The following PDE9A variants were observed in gnomAD, a reference collection of about 807,000 sequenced individuals.
PDE9A encodes phosphodiesterase 9A, also known as high affinity cGMP-specific 3',5'-cyclic phosphodiesterase 9A.
Under a neutral mutation model 87.4 loss-of-function variants are expected in PDE9A, and 60 were observed. The ratio of observed to expected loss-of-function variants is 0.69; its 90% CI spans 0.56 to 0.85. The LOEUF is 0.85. Ranked by LOEUF, PDE9A falls within the 40% of genes least tolerant of loss-of-function variation. The pLI is 0.00. For synonymous variants in PDE9A, 272 were observed against 279.4 expected, an observed-to-expected ratio of 0.97 and a Z score of 0.27; for missense variants, 665 against 779.0, an observed-to-expected ratio of 0.85 and a Z score of 1.74.
chr21:42,754,005 G>A lies in PDE9A; in HGVS notation c.751G>A (p.Glu251Lys), dbSNP rs2054730388. 1.9e-6 allele frequency: 3 copies of A among 1,612,906 alleles called. No homozygotes were observed. Among genetic ancestry groups the A allele is most frequent in the Middle Eastern group, 1.7e-4 (1 of 6,060 alleles). Reference protein sequence around the residue: ...PTYPKYLLSPETIEALRKPTF... With the variant: ...PTYPKYLLSPKTIEALRKPTF... ...TCCTTTCTAGTACCTGCTCTCTCCA[G>A]AGACCATCGAGGCCCTGCGGAAGCC... Residue 251 changes from glutamate to lysine, a missense_variant, in exon 10 of 20, where the codon GAG becomes AAG. Glu to Lys is a moderately conservative substitution (Grantham distance 56). Coordinates refer to ENST00000291539, the MANE Select transcript of PDE9A (RefSeq NM_002606.3).
At chr21:42,668,746 G>A (rs2058183676) in intron 1 of PDE9A, among the ~76,000 whole-genome samples, 1 of 152,222 alleles carries the variant, frequency 6.6e-6, no homozygotes, top group South Asian at 2.1e-4. Context: ...TGCCGGCGCG[G>A]GGGAAATGGG....
rs1007280526 is a variant in PDE9A at position 42,695,360 on chromosome 21, G to A, written c.219-3608G>A. 1.6e-4 allele frequency among the ~76,000 whole-genome samples: 25 copies of A among 152,174 alleles called. No homozygotes were observed. Among genetic ancestry groups the A allele is most frequent in the African/African-American group, 5.8e-4 (24 of 41,434 alleles). ...ATCCTGACATCCAGCTAACATGGGC[G>A]TTGCTTCCTGACAACCCTACCCCTT... On this transcript the variant is annotated intron_variant, in intron 3 of 19. Coordinates refer to ENST00000291539, the MANE Select transcript of PDE9A (RefSeq NM_002606.3). The surrounding 1 kb of genome is among the most constrained non-coding windows in gnomAD (Gnocchi z 4.3).
intron 1 of PDE9A, among the ~76,000 whole-genome samples, chr21:42,670,239 ACT>A (rs1491391139): frequency 7.3e-6 from 1 of 136,146 alleles, no homozygotes; most frequent in Non-Finnish European, 1.5e-5. Flanking sequence ...TTACATTCAC[ACT>A]CATACACATA....
Position 42,731,817 on chromosome 21 carries a change from A to G in PDE9A, c.310A>G (p.Arg104Gly). ...RTTSRGQSAE[R>G]PLRDRRVVGL... The stretch of plus-strand genomic sequence containing the variant: ...CACAAGCCGTGGCCAGTCTGCTGAG[A>G]GACCACTGAGGGACAGACGGGTTGT... The change falls in exon 5 of 20, where the codon AGA becomes GGA. Residue 104 changes from arginine to glycine, a missense_variant. Arg to Gly is a moderately radical substitution (Grantham distance 125). Coordinates refer to ENST00000291539, the MANE Select transcript of PDE9A (RefSeq NM_002606.3). 1 of 1,614,222 alleles carries G rather than the reference A, an allele frequency of 6.2e-7. No homozygotes were observed. The highest frequency in any genetic ancestry group is 8.5e-7 in the Non-Finnish European group (1 of 1,180,034).
At chr21:42,658,505 C>T (rs1043979486) in intron 1 of PDE9A, among the ~76,000 whole-genome samples, 3 of 152,216 alleles carry the variant, frequency 2.0e-5, no homozygotes, top group Non-Finnish European at 4.4e-5. Context: ...CGTGCCTTTC[C>T]CCTCTCCTGC....
intron 14 of PDE9A, among the ~76,000 whole-genome samples, chr21:42,763,322 T>C (rs1484020453): frequency 6.6e-6 from 1 of 152,190 alleles, no homozygotes; most frequent in Non-Finnish European, 1.5e-5. Context: ...GATTTCCAGA[T>C]AAGATCAGTG....
At chr21:42,726,593 CATATATATAT>C (rs898602288) in intron 4 of PDE9A, among the ~76,000 whole-genome samples, 3 of 38,230 alleles carry the variant, frequency 7.8e-5, no homozygotes, top group African/African-American at 4.8e-4. Flanking sequence ...CACGCCTGGC[CATATATATAT>C]ATATATATAT....
At chr21:42,735,604 A>G (rs376555050) in intron 7 of PDE9A, among the ~76,000 whole-genome samples, 30 of 152,302 alleles carry the variant, frequency 2.0e-4, no homozygotes, top group South Asian at 1.9e-3. Flanking sequence ...CTACATTGCT[A>G]TAATCTCTGC....
intron 7 of PDE9A, chr21:42,741,435 G>T (rs994822445): frequency 2.6e-5 from 4 of 152,252 alleles, no homozygotes; most frequent in Admixed American, 6.5e-5. Context: ...CCCGACCTCA[G>T]ACCTCAGGTA....
chr21:42,726,624 A>ATATATATATATTTT, intron 4 of PDE9A, among the ~76,000 whole-genome samples: 5 of 19,780 alleles, frequency 2.5e-4, no homozygotes, highest in Non-Finnish European at 3.7e-4. Context: ...ATATATATAT[A>ATATATATATATTTT]TTTTTTTTTT....
intron 4 of PDE9A, among the ~76,000 whole-genome samples, chr21:42,719,692 T>C (rs921817350): frequency 2.0e-5 from 3 of 151,296 alleles, no homozygotes; most frequent in Non-Finnish European, 4.4e-5. Flanking sequence ...TATAGGAGCA[T>C]AGTACTTCAT....
In PDE9A at chr21:42,741,623, C is replaced by T. The variant is rs73229589; in HGVS notation, c.569-2153C>T. On this transcript the variant is annotated intron_variant, in intron 7 of 19. Transcript: ENST00000291539. The stretch of plus-strand genomic sequence containing the variant: ...CAGGACCAGATCCAAATATTGCACT[C>T]TCCAGATTCTTCGTCCTTCTGGCAG... 6.1e-3 allele frequency: 931 copies of T among 152,324 alleles called. 4 individuals are homozygous for T. Among genetic ancestry groups the T allele is most frequent in the Non-Finnish European group, 0.011 (733 of 68,052 alleles). 9.4% of individuals were successfully genotyped at this position (152,324 alleles called of 1,614,324 possible).
intron 16 of PDE9A, 172 bp downstream of exon 16, chr21:42,768,464 T>C: frequency 8.8e-7 from 1 of 1,140,052 alleles, no homozygotes; most frequent in East Asian, 2.7e-5. Context: ...AAATAGGTTA[T>C]AATTTGAGAC....
rs969534310 is a variant in PDE9A at position 42,659,369 on chromosome 21, G to C, written c.69+5486G>C. 6.6e-6 allele frequency among the ~76,000 whole-genome samples: 1 copy of C among 152,246 alleles called. No individual in the cohort carries two copies. ...GGAATCCAGGAGGGCTGGTCCCATA[G>C]AGTGGTGGGGACATGGTGCTGAGAC... is the stretch of plus-strand genomic sequence containing the variant. On this transcript the variant is annotated intron_variant, in intron 1 of 19. Coordinates refer to ENST00000291539, the MANE Select transcript of PDE9A (RefSeq NM_002606.3). This position sits in a 1 kb window ranked among gnomAD's most constrained non-coding sequence, Gnocchi z 4.1.
At chr21:42,653,957 G>T in intron 1 of PDE9A, 74 bp downstream of exon 1, 1 of 868,210 alleles carries the variant, frequency 1.2e-6, no homozygotes, top group South Asian at 1.5e-5. Context: ...GGCGGGGCGG[G>T]ACTGTCCGTG....
At chr21:42,684,914 G>GAAAA (rs34043873) in intron 1 of PDE9A, among the ~76,000 whole-genome samples, 2 of 145,900 alleles carry the variant, frequency 1.4e-5, no homozygotes, top group African/African-American at 5.0e-5. Flanking sequence ...GTTAGTCACA[G>GAAAA]AAAAAAAAAA....
rs777753254 is a variant in PDE9A at position 42,772,458 on chromosome 21, G to A, written c.1706G>A (p.Ser569Asn). 1.2e-6 allele frequency: 2 copies of A among 1,606,250 alleles called. No individual in the cohort carries two copies. Among genetic ancestry groups the A allele is most frequent in the East Asian group, 4.5e-5 (2 of 44,668 alleles). ...TTCCAGTTACAGAAGAAGACTGACAGCTTGACGTCTGGGGCCACCGAGAAG... is the reference window on the plus strand; with the variant it reads ...TTCCAGTTACAGAAGAAGACTGACAACTTGACGTCTGGGGCCACCGAGAAG... ...AMKELQKKTD[S>N]LTSGATEKSR... Residue 569 changes from serine to asparagine, a missense_variant, in exon 19 of 20, where the codon AGC becomes AAC. Coordinates refer to ENST00000291539, the MANE Select transcript of PDE9A (RefSeq NM_002606.3).
rs1195791476 is a variant in PDE9A at position 42,775,001 on chromosome 21, G to A, written c.1769-279G>A. 2.0e-5 allele frequency among the ~76,000 whole-genome samples: 3 copies of A among 151,048 alleles called. No homozygotes were observed. The East Asian group carries it at 5.9e-4, about 30-fold the overall frequency. ...CTGTTGCCCAGGCTGGAGTGCAGTG[G>A]TGCAATCTCGGCTCACTGCAATCTC... is the stretch of plus-strand genomic sequence containing the variant. On this transcript the variant is annotated intron_variant, in intron 19 of 19. Transcript: ENST00000291539.
intron 19 of PDE9A, among the ~76,000 whole-genome samples, chr21:42,774,081 A>C (rs1331527531): frequency 6.6e-6 from 1 of 152,178 alleles, no homozygotes; most frequent in African/African-American, 2.4e-5. Flanking sequence ...TCTGTCTCAA[A>C]AAAAATATAA....
Sources: gnomAD v4.1 joint callset for allele counts (sites outside exome capture counted in the v4.1 genomes callset) on GRCh38, gnomAD v4.1.1 for gene constraint, Gnocchi (gnomAD v3.1) non-coding constraint, MANE v1.5 for transcripts, NCBI Gene and HGNC (gene_info 2026-07-23, HGNC 2026-07-21) for gene names.